The following LAMA1 variants were observed in gnomAD, a reference collection of about 807,000 sequenced individuals.
LAMA1 encodes the protein laminin subunit alpha 1.
LAMA1 carries 219 observed loss-of-function variants against 348.7 expected under a neutral mutation model. The observed-to-expected ratio is 0.63, with a 90% CI of 0.56 to 0.70. The LOEUF (loss-of-function observed/expected upper bound fraction) is 0.70, where lower values mean the gene tolerates loss of function less well. Ranked by LOEUF, LAMA1 falls within the 30% of genes least tolerant of loss-of-function variation. The pLI is 0.00. For missense variants in LAMA1, 3,744 were observed against 3,888.0 expected, an observed-to-expected ratio of 0.96 and a Z score of 0.99; for synonymous variants, 1,487 against 1,491.0, an observed-to-expected ratio of 1.00 and a Z score of 0.06.
chr18:6,960,384 T>C (rs1394683425), intron 53 of LAMA1: 1 of 152,164 alleles, frequency 6.6e-6, no homozygotes, highest in African/African-American at 2.4e-5. Context: ...GGGGATGAAC[T>C]TCAAAGACAT....
chr18:6,958,698 T>G (rs1187999526), intron 54 of LAMA1, 36 bp from the exon 55 acceptor site: 1 of 1,527,764 alleles, frequency 6.5e-7, no homozygotes, highest in Non-Finnish European at 9.1e-7. Context: ...TGAAAAGCTT[T>G]AAACATAATG....
chr18:7,089,520 C>G (rs1160842696), intron 1 of LAMA1, among the ~76,000 whole-genome samples: 1 of 152,194 alleles, frequency 6.6e-6, no homozygotes. Context: ...CCCATGACCT[C>G]TCACCCACAT....
chr18:7,002,233 C>G (rs1910625135), intron 30 of LAMA1, 31 bp downstream of exon 30: 5 of 1,607,740 alleles, frequency 3.1e-6, no homozygotes, highest in Non-Finnish European at 4.2e-6. Flanking sequence ...CTGGGCAGCC[C>G]AGCATGCCAG....
At chr18:7,066,631 C>G (rs927059893) in intron 3 of LAMA1, among the ~76,000 whole-genome samples, 9 of 152,006 alleles carry the variant, frequency 5.9e-5, no homozygotes, top group African/African-American at 2.2e-4. Flanking sequence ...TTAGTCCTCC[C>G]AAAGATATGT....
At chr18:6,983,709 A>G (rs1056855637) in intron 39 of LAMA1, among the ~76,000 whole-genome samples, 1 of 152,214 alleles carries the variant, frequency 6.6e-6, no homozygotes, top group African/African-American at 2.4e-5. Flanking sequence ...AAAATTCACT[A>G]GAGATTTTGG....
intron 1 of LAMA1, among the ~76,000 whole-genome samples, chr18:7,110,744 C>G (rs2058332157): frequency 6.6e-6 from 1 of 152,120 alleles, no homozygotes. Context: ...ATCGCTTGAA[C>G]TGGGAGGCGG....
chr18:6,955,477 A>C lies in LAMA1; in HGVS notation c.8095-12T>G, dbSNP rs1420245000. On this transcript the variant is annotated splice_polypyrimidine_tract_variant and intron_variant, in intron 56 of 62. Coordinates refer to ENST00000389658, the MANE Select transcript of LAMA1 (RefSeq NM_005559.4). Reference sequence around the variant, plus strand: ...ACCACACACTGTTCCTGTAAGAGACACACAGGGACACTCAGCCGCCACCCG... The same window carrying C: ...ACCACACACTGTTCCTGTAAGAGACCCACAGGGACACTCAGCCGCCACCCG... 27 of 1,598,950 alleles carry C rather than the reference A, an allele frequency of 1.7e-5. No homozygotes were observed. Among genetic ancestry groups the C allele is most frequent in the Non-Finnish European group, 2.2e-5 (26 of 1,166,328 alleles).
chr18:6,989,775 C>T (rs771012924), intron 36 of LAMA1, among the ~76,000 whole-genome samples: 2 of 152,186 alleles, frequency 1.3e-5, no homozygotes, highest in Admixed American at 1.3e-4. Context: ...CCAGGAACCA[C>T]GCACTCTGGA....
At chr18:6,955,732 C>T (rs2057573491) in intron 56 of LAMA1, 1 of 553,388 alleles carries the variant, frequency 1.8e-6, no homozygotes, top group African/African-American at 1.9e-5. Flanking sequence ...GAAGTCTCTC[C>T]TACAAATTTT....
At chr18:7,010,502 G>C in intron 25 of LAMA1, 117 bp from the exon 26 acceptor site, 1 of 968,950 alleles carries the variant, frequency 1.0e-6, no homozygotes, top group South Asian at 1.4e-5. Flanking sequence ...CATCACATGG[G>C]TGAAATTTGT....
At chr18:7,018,662 T>G (rs2057901147) in intron 19 of LAMA1, among the ~76,000 whole-genome samples, 1 of 152,154 alleles carries the variant, frequency 6.6e-6, no homozygotes, top group Admixed American at 6.5e-5. Flanking sequence ...TCCAAAGTGC[T>G]GGGATTACAG....
intron 42 of LAMA1, 144 bp from the exon 43 acceptor site, chr18:6,978,522 C>CTT: frequency 3.8e-6 from 3 of 797,418 alleles, no homozygotes; most frequent in Non-Finnish European, 4.0e-6. Flanking sequence ...TGTCTGTTTG[C>CTT]TTTTTTTTCT....
intron 3 of LAMA1, among the ~76,000 whole-genome samples, chr18:7,065,461 T>C (rs2143754665): frequency 6.6e-6 from 1 of 152,302 alleles, no homozygotes; most frequent in African/African-American, 2.4e-5. Flanking sequence ...GGCTCACACC[T>C]GTAATCCCAG....
At chr18:6,986,031 T>C in intron 37 of LAMA1, 106 bp downstream of exon 37, 1 of 1,266,908 alleles carries the variant, frequency 7.9e-7, no homozygotes, top group Non-Finnish European at 1.1e-6. Context: ...GTGCTGGGAT[T>C]ACAAGCGTGA....
chr18:6,993,844 G>T, intron 34 of LAMA1, 92 bp from the exon 35 acceptor site: 1 of 782,368 alleles, frequency 1.3e-6, no homozygotes. Flanking sequence ...CACTGTTGCC[G>T]CTTATAAGCA....
chr18:7,113,771 A>G (rs1362694675), intron 1 of LAMA1, among the ~76,000 whole-genome samples: 1 of 152,154 alleles, frequency 6.6e-6, no homozygotes, highest in African/African-American at 2.4e-5. Context: ...TCTAGCCAGC[A>G]GTGAGAATAA....
rs2057660453 is a variant in LAMA1, at chr18:6,971,938, C to T, written c.6818G>A (p.Gly2273Glu). The T allele has an allele frequency of 6.2e-7, 1 of 1,614,050 alleles. No individual in the cohort carries two copies. Among genetic ancestry groups the T allele is most frequent in the Non-Finnish European group, 8.5e-7 (1 of 1,179,984 alleles). ...GGATTTTCCATTCAGGAAGGCCTCC[C>T]CCAAGCAGCCTTTAAAATGAGTAAC... is the stretch of plus-strand genomic sequence containing the variant. Reference protein sequence around the residue: ...VKVTHFKGCLGEAFLNGKSIG... With the variant: ...VKVTHFKGCLEEAFLNGKSIG... Residue 2273 changes from glycine to glutamate, a missense_variant, in exon 48 of 63, where the codon GGG becomes GAG. Gly to Glu is a moderately conservative substitution (Grantham distance 98). Around this residue, in one of 3 missense-constraint regions of LAMA1, gnomAD observed 1,983 missense variants for 1,934.3 expected, o/e 1.03. Transcript: ENST00000389658.
At chr18:7,078,434 G>A (rs984287405) in intron 3 of LAMA1, among the ~76,000 whole-genome samples, 10 of 151,718 alleles carry the variant, frequency 6.6e-5, no homozygotes, top group African/African-American at 2.2e-4. Context: ...CCAAAGTGCC[G>A]GGATTACAGG....
In LAMA1 at chr18:6,995,158, C is replaced by G. The variant is rs1188084495; in HGVS notation, c.4896+199G>C. Among the ~76,000 whole-genome samples, 3 of 152,160 alleles carry G rather than the reference C, an allele frequency of 2.0e-5. No homozygotes were observed. The East Asian group carries it at 5.8e-4, about 29-fold the overall frequency. ...GCAGAGATGACAACAGACATTAAGT[C>G]GGGAGCCTTTTCCCACTAAACCACA... On this transcript the variant is annotated intron_variant, in intron 34 of 62. Transcript: ENST00000389658.
Sources: allele counts gnomAD v4.1 joint callset (sites outside exome capture counted in the v4.1 genomes callset), GRCh38; gene constraint gnomAD v4.1.1; regional missense constraint gnomAD v4.1.1; transcripts MANE v1.5; gene names NCBI Gene and HGNC (gene_info 2026-07-23, HGNC 2026-07-21).